Variants in HS3ST4 observed in about 807,000 individuals in gnomAD.
HS3ST4 encodes heparan sulfate glucosamine 3-O-sulfotransferase 4.
In HS3ST4, 17 loss-of-function variants were observed where a neutral mutation model predicts 29.2. The ratio of observed to expected loss-of-function variants is 0.58; its 90% CI spans 0.40 to 0.87. HS3ST4 has a LOEUF of 0.87. Among genes scored for constraint, HS3ST4 ranks in the 40% least tolerant of loss-of-function variants. The pLI is 0.00. For synonymous variants in HS3ST4, 314 were observed against 285.7 expected (o/e 1.10, Z -1.00); for missense variants, 627 against 634.5 (o/e 0.99, Z 0.13).
intron 1 of HS3ST4, among the ~76,000 whole-genome samples, chr16:25,974,325 C>A (rs1335193076): frequency 6.6e-6 from 1 of 152,200 alleles, no homozygotes; most frequent in Non-Finnish European, 1.5e-5. Context: ...TTTTTAACGT[C>A]CCCTCTGTGA....
chr16:25,788,540 C>CTTTTTTTTTTTTTTTTTTTTTTT (rs34729954), intron 1 of HS3ST4, among the ~76,000 whole-genome samples: 1 of 99,068 alleles, frequency 1.0e-5, no homozygotes, highest in Non-Finnish European at 1.9e-5. Flanking sequence ...TTCTTTTCTT[C>CTTTTTTTTTTTTTTTTTTTTTTT]TTTCTTTTTT....
At chr16:26,087,746 C>A (rs1358989670) in intron 1 of HS3ST4, among the ~76,000 whole-genome samples, 2 of 152,084 alleles carry the variant, frequency 1.3e-5, no homozygotes, top group Non-Finnish European at 2.9e-5. Context: ...TCAAAAAATT[C>A]AAAATCCAAA....
chr16:25,795,921 A>G (rs965982202), intron 1 of HS3ST4, among the ~76,000 whole-genome samples: 3 of 151,416 alleles, frequency 2.0e-5, no homozygotes, highest in African/African-American at 7.3e-5. Flanking sequence ...TTCTCTCTTC[A>G]TCACTGTGAG....
chr16:26,098,553 G>C (rs948355580), intron 1 of HS3ST4, among the ~76,000 whole-genome samples: 1 of 152,090 alleles, frequency 6.6e-6, no homozygotes, highest in Admixed American at 6.5e-5. Context: ...TTGGACACAG[G>C]GCAGGGAACA....
intron 1 of HS3ST4, among the ~76,000 whole-genome samples, chr16:25,903,334 T>TGTATATATTATAGATATGTATAC (rs1968140106): frequency 6.9e-6 from 1 of 144,326 alleles, no homozygotes; most frequent in East Asian, 2.0e-4. Flanking sequence ...TATATGTATA[T>TGTATATATTATAGATATGTATAC]GTATATATTA....
intron 1 of HS3ST4, among the ~76,000 whole-genome samples, chr16:25,960,773 A>ATGAGT (rs1371402998): frequency 6.6e-6 from 1 of 152,228 alleles, no homozygotes; most frequent in Non-Finnish European, 1.5e-5. Flanking sequence ...GAGATAATAA[A>ATGAGT]TGTTAAAAAT....
At chr16:25,778,204 A>G (rs1966849392) in intron 1 of HS3ST4, among the ~76,000 whole-genome samples, 1 of 152,192 alleles carries the variant, frequency 6.6e-6, no homozygotes. Flanking sequence ...TAACTGACAT[A>G]TTTTATCACC....
chr16:26,098,955 A>G (rs1898961687), intron 1 of HS3ST4, among the ~76,000 whole-genome samples: 1 of 151,552 alleles, frequency 6.6e-6, no homozygotes, highest in Admixed American at 6.6e-5. Context: ...AGGTCCAAGA[A>G]CAAAGGGCAC....
Position 25,692,612 on chromosome 16 carries a change from G to A in HS3ST4, c.195G>A (p.Leu65=). The change falls in exon 1 of 2, where the codon CTG becomes CTA. Residue 65 remains leucine, a synonymous_variant. Coordinates refer to ENST00000331351, the MANE Select transcript of HS3ST4 (RefSeq NM_006040.3). The part of the protein sequence containing the change: ...GSGSLQFPLA[L]QESPGAAAEP... ...GCTCCCTGCAATTCCCTCTGGCGCTGCAGGAGTCGCCGGGCGCCGCCGCCG... is the reference window on the plus strand; with the variant it reads ...GCTCCCTGCAATTCCCTCTGGCGCTACAGGAGTCGCCGGGCGCCGCCGCCG... The A allele has an allele frequency of 3.6e-6, 5 of 1,380,658 alleles. No individual in the cohort carries two copies. Among genetic ancestry groups the A allele is most frequent in the South Asian group, 1.5e-5 (1 of 67,270 alleles). 85.5% of individuals were successfully genotyped at this position (1,380,658 alleles called of 1,614,324 possible).
At chr16:25,817,406 C>T (rs1028114758) in intron 1 of HS3ST4, among the ~76,000 whole-genome samples, 16 of 152,178 alleles carry the variant, frequency 1.1e-4, no homozygotes, top group African/African-American at 3.6e-4. Flanking sequence ...CATACAACCT[C>T]GTTGCGGCTA....
chr16:25,931,915 G>A (rs1968467544), intron 1 of HS3ST4, among the ~76,000 whole-genome samples: 1 of 151,224 alleles, frequency 6.6e-6, no homozygotes, highest in Non-Finnish European at 1.5e-5. Context: ...CTTCCAAAAG[G>A]CAGCTTGTGG....
intron 1 of HS3ST4, among the ~76,000 whole-genome samples, chr16:26,093,947 G>A (rs568634570): frequency 3.5e-4 from 54 of 152,258 alleles, no homozygotes; most frequent in African/African-American, 5.3e-4. Flanking sequence ...AAACCATGGC[G>A]CAAGAACTTC....
chr16:25,806,491 A>G (rs558885669), intron 1 of HS3ST4, among the ~76,000 whole-genome samples: 3 of 152,270 alleles, frequency 2.0e-5, no homozygotes, highest in South Asian at 2.1e-4. Context: ...CCCTGTGCCA[A>G]CCGTGTGCAC....
At chr16:25,779,410 G>A (rs1966850652) in intron 1 of HS3ST4, among the ~76,000 whole-genome samples, 1 of 152,206 alleles carries the variant, frequency 6.6e-6, no homozygotes, top group African/African-American at 2.4e-5. Context: ...AGGATCCAAG[G>A]CTATGTAAGT....
chr16:26,093,513 T>A (rs1479123782), intron 1 of HS3ST4, among the ~76,000 whole-genome samples: 1 of 152,098 alleles, frequency 6.6e-6, no homozygotes, highest in Admixed American at 6.5e-5. Context: ...GACCTGCAGC[T>A]GAGGAACCTG....
intron 1 of HS3ST4, among the ~76,000 whole-genome samples, chr16:25,812,930 A>G (rs1967056565): frequency 6.6e-6 from 1 of 152,134 alleles, no homozygotes; most frequent in African/African-American, 2.4e-5. Context: ...AGTTCAATTT[A>G]CCTCTTATAG....
intron 1 of HS3ST4, among the ~76,000 whole-genome samples, chr16:25,694,912 G>T (rs1024835565): frequency 8.7e-6 from 1 of 114,688 alleles, no homozygotes; most frequent in Non-Finnish European, 2.0e-5. Flanking sequence ...GTTTTATTTG[G>T]GTGACTTAAA....
chr16:25,873,658 G>GTCCATCCA lies in HS3ST4; in HGVS notation c.734+180550_734+180557dup, dbSNP rs748088571. ...CATTCATCCATCCATCCATCCGTCC[G>GTCCATCCA]TCCATCCATCCATCCATCCATCCAT... On this transcript the variant is annotated intron_variant, in intron 1 of 1. Transcript: ENST00000331351. 8.9e-3 allele frequency among the ~76,000 whole-genome samples: 752 copies of GTCCATCCA among 84,568 alleles called. 4 individuals are homozygous for GTCCATCCA. Among genetic ancestry groups the GTCCATCCA allele is most frequent in the Non-Finnish European group, 0.013 (513 of 40,374 alleles). The allele number at this position is 84,568 out of a possible 152,430, so 55.5% of individuals were successfully genotyped here. A position where few individuals can be genotyped will look rare whatever the true frequency, so the allele number is the denominator to read the frequency against.
chr16:25,874,334 T>C (rs1967804963), intron 1 of HS3ST4, among the ~76,000 whole-genome samples: 1 of 152,068 alleles, frequency 6.6e-6, no homozygotes, highest in African/African-American at 2.4e-5. Flanking sequence ...ATTTTCTAAG[T>C]GAAGAAACAG....
Sources: allele counts gnomAD v4.1 joint callset (sites outside exome capture counted in the v4.1 genomes callset), GRCh38; gene constraint gnomAD v4.1.1; transcripts MANE v1.5; gene names NCBI Gene and HGNC (gene_info 2026-07-23, HGNC 2026-07-21).